Variants in SUN1 observed in about 807,000 individuals in gnomAD.
SUN1 encodes the protein Sad1 and UNC84 domain containing 1.
SUN1 carries 61 observed loss-of-function variants against 103.2 expected under a neutral mutation model. That is an observed-to-expected ratio of 0.59 (90% CI 0.48 to 0.73). The LOEUF is 0.73. SUN1 is among the 30% of genes least tolerant of loss of function. SUN1 has a pLI of 0.00. For synonymous variants in SUN1, 490 were observed against 425.7 expected (o/e 1.15, Z -1.86); for missense variants, 1,052 against 1,034.6 (o/e 1.02, Z -0.23).
intron 5 of SUN1, among the ~76,000 whole-genome samples, chr7:845,947 G>A (rs561483496): frequency 7.1e-4 from 108 of 152,290 alleles, no homozygotes; most frequent in African/African-American, 2.1e-3. Context: ...CCGGTGCTGC[G>A]TGGCTGTCCC....
intron 15 of SUN1, among the ~76,000 whole-genome samples, chr7:862,552 C>T (rs183496726): frequency 6.6e-6 from 1 of 152,212 alleles, no homozygotes; most frequent in African/African-American, 2.4e-5. Context: ...ATATTAAGTG[C>T]TTTTAGTTAT....
intron 1 of SUN1, among the ~76,000 whole-genome samples, chr7:821,497 G>A (rs547842431): frequency 3.3e-5 from 5 of 152,086 alleles, no homozygotes; most frequent in African/African-American, 1.2e-4. Flanking sequence ...TATTTAATGG[G>A]GTGTGTTGTC....
chr7:849,880 C>T lies in SUN1; in HGVS notation c.659-1504C>T, dbSNP rs1455469767. 1.9e-6 allele frequency: 3 copies of T among 1,562,456 alleles called. 1 individual carries two copies. The East Asian group carries it at 6.9e-5, about 36-fold the overall frequency. Reference sequence around the variant, plus strand: ...GCACGGCTGAGATGGACAGAGTTTGCTTGTGAATCCGCCACACTCACTGCC... The same window carrying T: ...GCACGGCTGAGATGGACAGAGTTTGTTTGTGAATCCGCCACACTCACTGCC... On this transcript the variant is annotated intron_variant, in intron 5 of 18. Transcript: ENST00000401592.
intron 13 of SUN1, among the ~76,000 whole-genome samples, chr7:859,763 A>T (rs1490580811): frequency 3.3e-5 from 5 of 152,240 alleles, no homozygotes; most frequent in African/African-American, 4.8e-5. Flanking sequence ...TTTTCTCATC[A>T]GACCAAGTTT....
At chr7:862,064 T>C (rs1372396632) in intron 15 of SUN1, among the ~76,000 whole-genome samples, 1 of 152,168 alleles carries the variant, frequency 6.6e-6, no homozygotes, top group Non-Finnish European at 1.5e-5. Flanking sequence ...CACACCTGGA[T>C]CAGACACGAG....
chr7:865,146 A>AAG (rs1468114376), intron 15 of SUN1, among the ~76,000 whole-genome samples: 1 of 152,116 alleles, frequency 6.6e-6, no homozygotes, highest in African/African-American at 2.4e-5. Context: ...TTTGCAAATG[A>AAG]CAGGCTCGCT....
At chr7:835,890 C>G (rs1248118832) in intron 1 of SUN1, among the ~76,000 whole-genome samples, 1 of 152,244 alleles carries the variant, frequency 6.6e-6, no homozygotes, top group Non-Finnish European at 1.5e-5. Flanking sequence ...GTCCCACCAT[C>G]CAGCCTCTCA....
intron 2 of SUN1, among the ~76,000 whole-genome samples, chr7:840,986 T>G (rs113451137): frequency 0.11 from 16,983 of 150,906 alleles, 1,109 homozygotes; most frequent in South Asian, 0.23. Flanking sequence ...CAGGCTGGAG[T>G]GCAATGGCGC....
chr7:860,007 A>T (rs1830963852), intron 13 of SUN1, 121 bp from the exon 14 acceptor site: 2 of 1,283,158 alleles, frequency 1.6e-6, no homozygotes, highest in Non-Finnish European at 1.1e-6. Context: ...ACACTGTCAC[A>T]ATGACATTCT....
chr7:854,759 G>T (rs1431626171), intron 10 of SUN1, among the ~76,000 whole-genome samples, 161 bp from the exon 11 acceptor site: 1 of 152,188 alleles, frequency 6.6e-6, no homozygotes, highest in Non-Finnish European at 1.5e-5. Flanking sequence ...CTGAAATAAG[G>T]ATATTGTTAT....
At chr7:838,767 T>C (rs772737466) in intron 1 of SUN1, 31 bp from the exon 2 acceptor site, 1 of 1,505,156 alleles carries the variant, frequency 6.6e-7, no homozygotes, top group South Asian at 1.3e-5. Context: ...CTATAAGCAC[T>C]GCTTACCTCT....
intron 13 of SUN1, among the ~76,000 whole-genome samples, chr7:858,283 G>T (rs567983677): frequency 6.6e-6 from 1 of 152,246 alleles, no homozygotes; most frequent in Admixed American, 6.5e-5. Flanking sequence ...TCAAACTCCT[G>T]ACTCCAAGTG....
chr7:861,213 G>T (rs1007021849), intron 14 of SUN1, among the ~76,000 whole-genome samples, 167 bp from the exon 15 acceptor site: 1 of 152,176 alleles, frequency 6.6e-6, no homozygotes, highest in African/African-American at 2.4e-5. Flanking sequence ...GCAGTCGGGC[G>T]CAGGACTGGA....
intron 14 of SUN1, among the ~76,000 whole-genome samples, chr7:860,664 C>G (rs1016276807): frequency 6.6e-6 from 1 of 152,212 alleles, no homozygotes; most frequent in Admixed American, 6.5e-5. Context: ...GCCCATCTGC[C>G]TGTGTGGTGG....
intron 1 of SUN1, chr7:817,179 C>G (rs1279088849): frequency 5.6e-6 from 3 of 533,872 alleles, no homozygotes; most frequent in Admixed American, 3.2e-5. Context: ...AGGCTGGTCT[C>G]GACCTCCTGA....
chr7:848,630 T>C, intron 5 of SUN1: 2 of 1,308,418 alleles, frequency 1.5e-6, no homozygotes, highest in South Asian at 1.3e-5. Context: ...TTAAATATTT[T>C]TTCCCTCCTT....
At chr7:870,199 T>C (rs2128562927) in intron 17 of SUN1, among the ~76,000 whole-genome samples, 2 of 101,722 alleles carry the variant, frequency 2.0e-5, no homozygotes, top group African/African-American at 3.8e-5. Flanking sequence ...AGTGAGACCC[T>C]GTCTTTAAAA....
chr7:866,813 C>T (rs902141257), intron 16 of SUN1, among the ~76,000 whole-genome samples: 2 of 145,832 alleles, frequency 1.4e-5, no homozygotes, highest in South Asian at 2.3e-4. Context: ...CTTCAGTCCC[C>T]GTCTCCTGGA....
At chr7:869,228 T>C (rs1187950269) in intron 16 of SUN1, 121 bp from the exon 17 acceptor site, 3 of 1,253,956 alleles carry the variant, frequency 2.4e-6, no homozygotes, top group African/African-American at 3.0e-5. Context: ...ATTTTGCTCA[T>C]GGCAGTTTCT....
Sources: gnomAD v4.1 joint callset for allele counts (sites outside exome capture counted in the v4.1 genomes callset) on GRCh38, gnomAD v4.1.1 for gene constraint, MANE v1.5 for transcripts, NCBI Gene and HGNC (gene_info 2026-07-23, HGNC 2026-07-21) for gene names.